PIK3C2A: variants seen among roughly 807,000 people sequenced by gnomAD.
PIK3C2A encodes phosphatidylinositol-4-phosphate 3-kinase catalytic subunit type 2 alpha.
PIK3C2A carries 97 observed loss-of-function variants against 204.5 expected under a neutral mutation model. The ratio of observed to expected loss-of-function variants is 0.47; its 90% CI spans 0.40 to 0.56. The LOEUF (loss-of-function observed/expected upper bound fraction) is 0.56, where lower values mean the gene tolerates loss of function less well. PIK3C2A is among the 20% of genes least tolerant of loss of function. PIK3C2A has a pLI of 0.00. For missense variants in PIK3C2A, 1,735 were observed against 1,969.2 expected, an observed-to-expected ratio of 0.88 and a Z score of 2.25; for synonymous variants, 653 against 664.4, an observed-to-expected ratio of 0.98 and a Z score of 0.26.
intron 4 of PIK3C2A, among the ~76,000 whole-genome samples, chr11:17,149,147 A>G (rs1850349015): frequency 1.3e-5 from 2 of 152,198 alleles, no homozygotes; most frequent in Admixed American, 6.5e-5. Context: ...AATACAGTAC[A>G]GCATATATTT....
intron 2 of PIK3C2A, among the ~76,000 whole-genome samples, chr11:17,162,578 G>A (rs1202532569): frequency 6.6e-6 from 1 of 152,056 alleles, no homozygotes; most frequent in African/African-American, 2.4e-5. Flanking sequence ...ACCAAGTTTC[G>A]GCCAATCAAG....
chr11:17,174,766 G>A (rs1851286874), intron 1 of PIK3C2A, among the ~76,000 whole-genome samples: 2 of 152,086 alleles, frequency 1.3e-5, no homozygotes, highest in African/African-American at 4.8e-5. Flanking sequence ...GGGTGTGGTG[G>A]CACGCCAGGC....
At chr11:17,098,780 A>T (rs368594888) in intron 26 of PIK3C2A, among the ~76,000 whole-genome samples, 82 of 152,318 alleles carry the variant, frequency 5.4e-4, no homozygotes, top group Middle Eastern at 3.4e-3. Flanking sequence ...GGCAAGAGAA[A>T]AAGGAGAGAA....
intron 2 of PIK3C2A, among the ~76,000 whole-genome samples, 171 bp from the exon 3 acceptor site, chr11:17,155,800 G>C (rs1850571856): frequency 6.6e-6 from 1 of 152,132 alleles, no homozygotes; most frequent in South Asian, 2.1e-4. Context: ...TAAAAGTAAT[G>C]TCAACTAAGC....
At chr11:17,168,489 G>T (rs1372706826) in intron 2 of PIK3C2A, among the ~76,000 whole-genome samples, 188 bp downstream of exon 2, 1 of 152,116 alleles carries the variant, frequency 6.6e-6, no homozygotes, top group African/African-American at 2.4e-5. Context: ...GCTGAGGCAG[G>T]AGAAGGGTGT....
chr11:17,151,676 T>C (rs1590967023), intron 3 of PIK3C2A, among the ~76,000 whole-genome samples: 1 of 152,292 alleles, frequency 6.6e-6, no homozygotes, highest in East Asian at 1.9e-4. Context: ...GGGGTAATAC[T>C]ACTACTTACC....
chr11:17,125,289 G>A (rs1849486505), intron 13 of PIK3C2A, among the ~76,000 whole-genome samples: 1 of 152,058 alleles, frequency 6.6e-6, no homozygotes, highest in South Asian at 2.1e-4. Context: ...AATAATTTTG[G>A]TTGTAAACTG....
rs71047536 is a variant in PIK3C2A, at chr11:17,193,847, AAAAAGAAAAGAAAAGAAAAGAAAAG to A, written c.-66+13976_-66+14000del. The A allele has an allele frequency of 5.2e-3, 346 of 66,296 alleles. 57 individuals carry two copies. Among genetic ancestry groups the A allele is most frequent in the African/African-American group, 0.018 (214 of 11,846 alleles). 4.1% of individuals were successfully genotyped at this position (66,296 alleles called of 1,614,324 possible). On this transcript the variant is annotated intron_variant, in intron 1 of 32. Transcript: ENST00000691414. Reference sequence around the variant, plus strand: ...GCAACAGAGCGAGACTCTGTCTCAAAAAAAGAAAAGAAAAGAAAAGAAAAGAAAAGAAAAGAAAAGAAAAGAAAAG... The same window carrying A: ...GCAACAGAGCGAGACTCTGTCTCAAAAAAAGAAAAGAAAAGAAAAGAAAAG...
At position 17,178,106 on chromosome 11, in the gene PIK3C2A, A is replaced by AAAG. The variant is rs1195028043; in HGVS notation, c.-65-8301_-65-8300insCTT. On this transcript the variant is annotated intron_variant, in intron 1 of 32. Coordinates refer to ENST00000691414, the MANE Select transcript of PIK3C2A (RefSeq NM_002645.4). ...AGACTCCATCTCAAAAAAAAAAAAA[A>AAAG]AAAAAAGAAAAAAAAAATTGCATGT... Among the ~76,000 whole-genome samples the AAAG allele has an allele frequency of 2.5e-3, 239 of 96,348 alleles. 4 individuals are homozygous for AAAG. Among genetic ancestry groups the AAAG allele is most frequent in the Middle Eastern group, 9.9e-3 (2 of 202 alleles). 63.2% of individuals were successfully genotyped at this position (96,348 alleles called of 152,430 possible).
intron 11 of PIK3C2A, among the ~76,000 whole-genome samples, chr11:17,133,130 A>G (rs1225029116): frequency 1.3e-5 from 2 of 151,950 alleles, no homozygotes; most frequent in East Asian, 3.9e-4. Flanking sequence ...ACTTTATTCC[A>G]TTTACTCCTA....
At chr11:17,112,062 A>T (rs1849021124) in intron 21 of PIK3C2A, among the ~76,000 whole-genome samples, 1 of 152,176 alleles carries the variant, frequency 6.6e-6, no homozygotes, top group African/African-American at 2.4e-5. Flanking sequence ...TGGTTCAAGT[A>T]GAAGCAATCT....
intron 1 of PIK3C2A, among the ~76,000 whole-genome samples, chr11:17,181,603 AATATATATATATATATATATATATAT>A (rs148434889): frequency 0.089 from 9,032 of 101,490 alleles, 811 homozygotes; most frequent in African/African-American, 0.12. Context: ...CCCATTTTTA[AATATATATATATATATATATATATAT>A]ATATATATAT....
rs1850221934 is a variant in PIK3C2A, at chr11:17,145,743, AAC to A, written c.1641-14_1641-13del. 1.3e-6 allele frequency: 2 copies of A among 1,598,024 alleles called. No homozygotes were observed. The highest frequency in any genetic ancestry group is 8.6e-7 in the Non-Finnish European group (1 of 1,165,684). ...CTTCAACAGGGTGTCTGAAAGAAAC[AAC>A]AGTTATTGTGGCTGAAGGATGCTAC... On this transcript the variant is annotated splice_polypyrimidine_tract_variant and intron_variant, in intron 7 of 32. Transcript: ENST00000691414.
At chr11:17,184,410 G>A (rs1331625905) in intron 1 of PIK3C2A, among the ~76,000 whole-genome samples, 1 of 151,860 alleles carries the variant, frequency 6.6e-6, no homozygotes. Context: ...TGTAGGCCTA[G>A]GCTGCCATGT....
intron 26 of PIK3C2A, among the ~76,000 whole-genome samples, chr11:17,097,873 C>T (rs954823100): frequency 2.0e-5 from 3 of 152,148 alleles, no homozygotes; most frequent in African/African-American, 7.2e-5. Flanking sequence ...TGAGATTGCG[C>T]CACTGCACTC....
chr11:17,102,607 T>A, intron 24 of PIK3C2A, 55 bp downstream of exon 24: 1 of 1,429,212 alleles, frequency 7.0e-7, no homozygotes, highest in Non-Finnish European at 9.6e-7. Flanking sequence ...AGACAAACTT[T>A]AATTTGTGAA....
intron 3 of PIK3C2A, among the ~76,000 whole-genome samples, 189 bp downstream of exon 3, chr11:17,155,337 T>G (rs2137447823): frequency 6.6e-6 from 1 of 152,306 alleles, no homozygotes; most frequent in South Asian, 2.1e-4. Context: ...TTCCAAATAT[T>G]AAGAAATCTA....
chr11:17,129,193 G>T, intron 13 of PIK3C2A, 107 bp downstream of exon 13: 2 of 790,710 alleles, frequency 2.5e-6, no homozygotes, highest in South Asian at 3.6e-5. Context: ...AACTGAAGAG[G>T]CTCATTCACT....
rs1243919561 is a variant in PIK3C2A, at chr11:17,089,708, C to G, written c.*30G>C. Reference sequence around the variant, plus strand: ...GTATGCATGCACGTTTATAACTGTTCATGCTTCCAAAGCTCAAACATTCAC... The same window carrying G: ...GTATGCATGCACGTTTATAACTGTTGATGCTTCCAAAGCTCAAACATTCAC... On this transcript the variant is annotated 3_prime_UTR_variant, in exon 33 of 33. Coordinates refer to ENST00000691414, the MANE Select transcript of PIK3C2A (RefSeq NM_002645.4). 1.3e-6 allele frequency: 2 copies of G among 1,510,826 alleles called. 1 individual carries two copies. The highest frequency in any genetic ancestry group is 2.3e-5 in the South Asian group (2 of 87,260). The allele number at this position is 1,510,826 out of a possible 1,614,324, so 93.6% of individuals were successfully genotyped here. A position where few individuals can be genotyped will look rare whatever the true frequency, so the allele number is the denominator to read the frequency against.
Sources: allele counts gnomAD v4.1 joint callset (sites outside exome capture counted in the v4.1 genomes callset), GRCh38; gene constraint gnomAD v4.1.1; transcripts MANE v1.5; gene names NCBI Gene and HGNC (gene_info 2026-07-23, HGNC 2026-07-21).